The following DIAPH3 variants were observed in gnomAD, a reference collection of about 807,000 sequenced individuals.
The protein encoded by DIAPH3 is diaphanous related formin 3.
A neutral mutation model predicts 144.3 loss-of-function variants in DIAPH3; 117 were observed. That is an observed-to-expected ratio of 0.81 (90% CI 0.70 to 0.95). DIAPH3 has a LOEUF of 0.95. Ranked by LOEUF, DIAPH3 falls within the 40% of genes least tolerant of loss-of-function variation. The pLI, the probability that DIAPH3 is intolerant of heterozygous loss-of-function variation, is 0.00. For missense variants in DIAPH3, 1,421 were observed against 1,412.7 expected (o/e 1.01, Z -0.09); for synonymous variants, 519 against 488.9 (o/e 1.06, Z -0.81).
chr13:60,119,768 A>AAAG (rs901046574), intron 2 of DIAPH3, among the ~76,000 whole-genome samples: 1 of 151,314 alleles, frequency 6.6e-6, no homozygotes, highest in Non-Finnish European at 1.5e-5. Context: ...AAAAAAAAAA[A>AAAG]AAAGAAATGA....
chr13:59,678,572 GA>G (rs778059192), intron 27 of DIAPH3, among the ~76,000 whole-genome samples: 2 of 151,862 alleles, frequency 1.3e-5, no homozygotes, highest in African/African-American at 4.8e-5. Context: ...CTAGATCTGT[GA>G]AAAAAAATCC....
At chr13:59,908,383 A>AG (rs1158621581) in intron 20 of DIAPH3, among the ~76,000 whole-genome samples, 39 of 147,254 alleles carry the variant, frequency 2.6e-4, no homozygotes, top group Non-Finnish European at 4.6e-4. Context: ...AAAAAAAAAA[A>AG]AAAAAAAAAA....
At chr13:59,906,157 C>T (rs2046725881) in intron 20 of DIAPH3, among the ~76,000 whole-genome samples, 1 of 152,032 alleles carries the variant, frequency 6.6e-6, no homozygotes, top group African/African-American at 2.4e-5. Flanking sequence ...TTTAAAAAAC[C>T]TGAGGCACGG....
chr13:59,766,340 G>A (rs1014191001), intron 27 of DIAPH3, among the ~76,000 whole-genome samples: 18 of 152,134 alleles, frequency 1.2e-4, no homozygotes, highest in Non-Finnish European at 1.8e-4. Context: ...AAATTATTTT[G>A]TGTCTCCCTG....
At chr13:60,031,114 G>A (rs993974583) in intron 5 of DIAPH3, among the ~76,000 whole-genome samples, 2 of 152,150 alleles carry the variant, frequency 1.3e-5, no homozygotes, top group Non-Finnish European at 2.9e-5. Flanking sequence ...GAGGTATGGC[G>A]CCAGCATCTC....
intron 5 of DIAPH3, among the ~76,000 whole-genome samples, chr13:60,030,498 A>G (rs567434784): frequency 6.6e-6 from 1 of 152,138 alleles, no homozygotes; most frequent in South Asian, 2.1e-4. Flanking sequence ...AGGCTCATGT[A>G]TTTTACTTTA....
chr13:60,036,555 A>G (rs370725260), intron 5 of DIAPH3, among the ~76,000 whole-genome samples: 57 of 152,150 alleles, frequency 3.7e-4, no homozygotes, highest in African/African-American at 5.1e-4. Context: ...ATCAAAGAGA[A>G]AGGAAGAAAA....
intron 20 of DIAPH3, among the ~76,000 whole-genome samples, chr13:59,880,212 T>A (rs2044922247): frequency 6.6e-6 from 1 of 152,144 alleles, no homozygotes; most frequent in Non-Finnish European, 1.5e-5. Flanking sequence ...CCTTTATCCT[T>A]ACTCCTGTGT....
intron 20 of DIAPH3, among the ~76,000 whole-genome samples, chr13:59,901,194 T>C (rs1447842403): frequency 6.6e-6 from 1 of 152,204 alleles, no homozygotes; most frequent in Non-Finnish European, 1.5e-5. Flanking sequence ...ATTTCACCCC[T>C]TTGTTAATAA....
intron 21 of DIAPH3, among the ~76,000 whole-genome samples, chr13:59,867,744 C>A (rs1421167912): frequency 6.6e-6 from 1 of 151,948 alleles, no homozygotes; most frequent in Non-Finnish European, 1.5e-5. Flanking sequence ...TTCATACTGC[C>A]CCCTTTTTCC....
intron 4 of DIAPH3, among the ~76,000 whole-genome samples, chr13:60,050,252 G>A (rs757292535): frequency 1.2e-4 from 18 of 152,144 alleles, no homozygotes; most frequent in Non-Finnish European, 2.5e-4. Context: ...AGAATGAAGA[G>A]GAGAGGACAT....
intron 27 of DIAPH3, among the ~76,000 whole-genome samples, chr13:59,762,091 G>A (rs1036507041): frequency 2.1e-5 from 2 of 97,090 alleles, no homozygotes; most frequent in Non-Finnish European, 3.8e-5. Flanking sequence ...AGACAGTCTT[G>A]CTCTGTTGCC....
intron 1 of DIAPH3, among the ~76,000 whole-genome samples, chr13:60,158,277 A>C (rs1167734427): frequency 1.3e-5 from 2 of 152,234 alleles, no homozygotes; most frequent in Non-Finnish European, 2.9e-5. Context: ...TCCTTTTTAC[A>C]GAGCAAAGAC....
At chr13:59,783,268 TAAAG>T (rs1200228738) in intron 25 of DIAPH3, among the ~76,000 whole-genome samples, 1 of 152,130 alleles carries the variant, frequency 6.6e-6, no homozygotes, top group South Asian at 2.1e-4. Context: ...GTGAATATTA[TAAAG>T]AAATAGTTAA....
intron 4 of DIAPH3, among the ~76,000 whole-genome samples, chr13:60,053,560 C>T (rs908643745): frequency 2.0e-5 from 3 of 151,976 alleles, no homozygotes; most frequent in Non-Finnish European, 4.4e-5. Context: ...AAACTAAATG[C>T]TCTTTCTTTT....
chr13:59,806,442 T>C (rs148507117), intron 25 of DIAPH3, among the ~76,000 whole-genome samples: 291 of 152,176 alleles, frequency 1.9e-3, no homozygotes, highest in African/African-American at 6.5e-3. Context: ...ACACTAATTA[T>C]ATAAATCTTA....
intron 27 of DIAPH3, among the ~76,000 whole-genome samples, chr13:59,739,376 T>A (rs1469900462): frequency 6.6e-6 from 1 of 152,196 alleles, no homozygotes; most frequent in Admixed American, 6.5e-5. Context: ...TATGTAACAC[T>A]GTGAGCTGAT....
chr13:60,161,958 T>C (rs1317057285), intron 1 of DIAPH3, among the ~76,000 whole-genome samples: 1 of 152,308 alleles, frequency 6.6e-6, no homozygotes, highest in East Asian at 1.9e-4. Context: ...GAAATTACCA[T>C]ATAAGCAAGA....
intron 27 of DIAPH3, among the ~76,000 whole-genome samples, chr13:59,741,827 G>A (rs527779233): frequency 6.6e-6 from 1 of 152,030 alleles, no homozygotes; most frequent in Non-Finnish European, 1.5e-5. Context: ...AATGACATAG[G>A]GGGTAAAATA....
Sources: gnomAD v4.1 joint callset for allele counts (sites outside exome capture counted in the v4.1 genomes callset) on GRCh38, gnomAD v4.1.1 for gene constraint, MANE v1.5 for transcripts, NCBI Gene and HGNC (gene_info 2026-07-23, HGNC 2026-07-21) for gene names.